MYO5B: variants seen among roughly 807,000 people sequenced by gnomAD.
MYO5B encodes unconventional myosin-Vb.
MYO5B carries 143 observed loss-of-function variants against 229.3 expected under a neutral mutation model. The ratio of observed to expected loss-of-function variants is 0.62; its 90% CI spans 0.54 to 0.72. The LOEUF (loss-of-function observed/expected upper bound fraction) is 0.72. Among genes scored for constraint, MYO5B ranks in the 30% least tolerant of loss-of-function variants. The pLI, the probability that MYO5B is intolerant of heterozygous loss-of-function variation, is 0.00. For missense variants in MYO5B, 2,321 were observed against 2,331.0 expected (o/e 1.00, Z 0.09); for synonymous variants, 918 against 885.2 (o/e 1.04, Z -0.66).
intron 30 of MYO5B, 137 bp downstream of exon 30, chr18:49,856,676 C>T (rs2024265926): frequency 1.7e-5 from 13 of 766,810 alleles, no homozygotes; most frequent in Middle Eastern, 6.4e-4. Flanking sequence ...GATGGTCAAC[C>T]ACAGGGGCTA....
intron 1 of MYO5B, among the ~76,000 whole-genome samples, chr18:50,126,954 A>G (rs2032174180): frequency 6.6e-6 from 1 of 152,226 alleles, no homozygotes; most frequent in South Asian, 2.1e-4. Flanking sequence ...AGTGTCACAG[A>G]AAAAAGCAAG....
chr18:50,011,486 G>A (rs544000497), intron 4 of MYO5B, among the ~76,000 whole-genome samples: 66 of 152,190 alleles, frequency 4.3e-4, no homozygotes, highest in African/African-American at 1.3e-3. Flanking sequence ...AACTACACGC[G>A]GAAGGTGCAC....
intron 8 of MYO5B, among the ~76,000 whole-genome samples, chr18:49,984,223 G>A (rs1001091901): frequency 3.9e-5 from 6 of 152,190 alleles, no homozygotes; most frequent in African/African-American, 9.7e-5. Context: ...GGATTCCAAC[G>A]CTAAAGCTCT....
At chr18:49,902,946 A>G in intron 20 of MYO5B, 113 bp from the exon 21 acceptor site, 1 of 1,342,886 alleles carries the variant, frequency 7.4e-7, no homozygotes, top group Non-Finnish European at 1.0e-6. Context: ...TGGTTCTAGG[A>G]GTTACACAGA....
rs768465568 is a variant in MYO5B, at chr18:50,171,828, T to C, written c.27+22939A>G. Among the ~76,000 whole-genome samples the C allele has an allele frequency of 9.4e-5, 12 of 127,732 alleles. 3 individuals carry two copies. The highest frequency in any genetic ancestry group is 1.8e-4 in the Non-Finnish European group (11 of 59,822). 83.8% of individuals were successfully genotyped at this position (127,732 alleles called of 152,430 possible). A position where few individuals can be genotyped will look rare whatever the true frequency, so the allele number is the denominator to read the frequency against. The stretch of plus-strand genomic sequence containing the variant: ...ATCCCCACCCCATGTATTTCACCCT[T>C]AAAACCAGAGGAAAGAATACAGAGA... On this transcript the variant is annotated intron_variant, in intron 1 of 39. Transcript: ENST00000285039.
chr18:50,145,522 AAAAAAAAAAAAAAAAAT>A (rs2032487984), intron 1 of MYO5B, among the ~76,000 whole-genome samples: 1 of 120,066 alleles, frequency 8.3e-6, no homozygotes, highest in African/African-American at 3.3e-5. Flanking sequence ...AAAAAAAAAA[AAAAAAAAAAAAAAAAAT>A]TTCTCTCAGG....
chr18:49,914,127 T>TA (rs924854504), intron 17 of MYO5B, among the ~76,000 whole-genome samples: 19 of 152,282 alleles, frequency 1.2e-4, no homozygotes, highest in African/African-American at 4.3e-4. Context: ...GGTTAACACT[T>TA]AAGCCATCCA....
intron 36 of MYO5B, among the ~76,000 whole-genome samples, chr18:49,838,123 G>A (rs143444500): frequency 9.9e-5 from 15 of 152,218 alleles, no homozygotes; most frequent in South Asian, 6.2e-4. Flanking sequence ...TGTCATCCTC[G>A]TCCAGCCACT....
At chr18:49,922,101 T>C (rs761759756) in intron 17 of MYO5B, among the ~76,000 whole-genome samples, 1 of 152,178 alleles carries the variant, frequency 6.6e-6, no homozygotes, top group Non-Finnish European at 1.5e-5. Context: ...GTCCCTCTGG[T>C]CCTATGAAGG....
intron 1 of MYO5B, among the ~76,000 whole-genome samples, chr18:50,141,855 C>T (rs1370277133): frequency 4.6e-5 from 7 of 152,202 alleles, no homozygotes; most frequent in African/African-American, 7.2e-5. Context: ...TGCCCAGTCC[C>T]ATTCCCTGCC....
chr18:50,064,513 T>C (rs114949773), intron 1 of MYO5B: 6,306 of 152,302 alleles, frequency 0.041, 132 homozygotes, highest in African/African-American at 0.052. Context: ...AGCAATCTAC[T>C]ATCATATTAA....
At chr18:49,930,885 C>T (rs1445261449) in intron 16 of MYO5B, among the ~76,000 whole-genome samples, 1 of 132,232 alleles carries the variant, frequency 7.6e-6, no homozygotes, top group Non-Finnish European at 1.5e-5. Context: ...GAGTGAGACT[C>T]TGTCTCAAAA....
chr18:50,002,393 TAA>T (rs144979439), intron 4 of MYO5B, among the ~76,000 whole-genome samples: 7,180 of 152,148 alleles, frequency 0.047, 198 homozygotes, highest in Non-Finnish European at 0.063. Context: ...GTTATCCCTT[TAA>T]AACACGTAGT....
chr18:50,153,838 G>A (rs867279887), intron 1 of MYO5B, among the ~76,000 whole-genome samples: 15 of 152,114 alleles, frequency 9.9e-5, no homozygotes, highest in African/African-American at 1.4e-4. Flanking sequence ...AGTGAGTGAC[G>A]ACACCAGTGA....
At chr18:50,067,399 CCAT>C (rs1172435868) in intron 1 of MYO5B, among the ~76,000 whole-genome samples, 1 of 152,164 alleles carries the variant, frequency 6.6e-6, no homozygotes, top group African/African-American at 2.4e-5. Flanking sequence ...ATGTACACAC[CCAT>C]CAGATGAGCG....
In MYO5B at chr18:50,030,896, A is replaced by G. The variant is rs1334057228; in HGVS notation, c.455+5954T>C. On this transcript the variant is annotated intron_variant, in intron 4 of 39. Coordinates refer to ENST00000285039, the MANE Select transcript of MYO5B (RefSeq NM_001080467.3). ...TTTCAGAAAAAAAAAAAAAAAAAAA[A>G]AAAAAAAAAAAAAAAAAAAAGCACA... 3.3e-4 allele frequency among the ~76,000 whole-genome samples: 47 copies of G among 142,718 alleles called. 3 individuals carry two copies. The highest frequency in any genetic ancestry group is 1.2e-3 in the African/African-American group (43 of 36,336). The allele number at this position is 142,718 out of a possible 152,430, so 93.6% of individuals were successfully genotyped here. A position where few individuals can be genotyped will look rare whatever the true frequency, so the allele number is the denominator to read the frequency against.
At chr18:49,996,821 G>C (rs1201548763) in intron 5 of MYO5B, among the ~76,000 whole-genome samples, 2 of 152,232 alleles carry the variant, frequency 1.3e-5, no homozygotes, top group African/African-American at 4.8e-5. Flanking sequence ...TAAATATAGT[G>C]TGGACAAAGG....
In MYO5B at chr18:50,186,248, C is replaced by T. The variant is rs140443337; in HGVS notation, c.27+8519G>A. ...CACATGCAGTTACCCTGTTGGACAA[C>T]GGAGGTCCAGAGAACATGCCTAAGT... is the stretch of plus-strand genomic sequence containing the variant. On this transcript the variant is annotated intron_variant, in intron 1 of 39. Transcript: ENST00000285039. Among the ~76,000 whole-genome samples, 31 of 152,310 alleles carry T rather than the reference C, an allele frequency of 2.0e-4. 1 individual carries two copies. In the East Asian group the frequency reaches 5.2e-3, roughly 26 times the overall value.
intron 1 of MYO5B, among the ~76,000 whole-genome samples, chr18:50,150,435 A>G (rs1371695574): frequency 1.4e-4 from 20 of 147,096 alleles, no homozygotes; most frequent in South Asian, 4.7e-4. Flanking sequence ...AACCAACCCA[A>G]ATGTCCAACA....
Sources: gnomAD v4.1 joint callset for allele counts (sites outside exome capture counted in the v4.1 genomes callset) on GRCh38, gnomAD v4.1.1 for gene constraint, MANE v1.5 for transcripts, NCBI Gene and HGNC (gene_info 2026-07-23, HGNC 2026-07-21) for gene names.